Variants in GTF2IRD1 observed in about 807,000 individuals in gnomAD.
GTF2IRD1 encodes the protein general transcription factor II-I repeat domain-containing protein 1.
In GTF2IRD1, 26 loss-of-function variants were observed where a neutral mutation model predicts 113.2. The ratio of observed to expected loss-of-function variants is 0.23; its 90% confidence interval spans 0.17 to 0.32. The LOEUF (loss-of-function observed/expected upper bound fraction) is 0.32. Ranked by LOEUF, GTF2IRD1 falls within the 10% of genes least tolerant of loss-of-function variation. GTF2IRD1 has a pLI of 1.00. For synonymous variants in GTF2IRD1, 484 were observed against 529.1 expected, an observed-to-expected ratio of 0.91 and a Z score of 1.17; for missense variants, 864 against 1,280.8, an observed-to-expected ratio of 0.67 and a Z score of 4.97.
At chr7:74,533,171 A>G (rs1266437668) in intron 9 of GTF2IRD1, among the ~76,000 whole-genome samples, 2 of 128,726 alleles carry the variant, frequency 1.6e-5, no homozygotes, top group African/African-American at 6.1e-5. Context: ...GTCTCACTCT[A>G]TTGCCCAGGC....
intron 1 of GTF2IRD1, among the ~76,000 whole-genome samples, chr7:74,481,706 A>G (rs1794750265): frequency 1.3e-5 from 2 of 152,192 alleles, no homozygotes; most frequent in South Asian, 4.1e-4. Flanking sequence ...CTCCTTGTTT[A>G]TATGTGGGTG....
At chr7:74,574,351 C>T (rs1320377184) in intron 22 of GTF2IRD1, among the ~76,000 whole-genome samples, 1 of 151,650 alleles carries the variant, frequency 6.6e-6, no homozygotes, top group Non-Finnish European at 1.5e-5. Context: ...GCTTCATTGC[C>T]CAGGCTGGTC....
chr7:74,568,654 G>A (rs12540561), intron 22 of GTF2IRD1, among the ~76,000 whole-genome samples: 135,944 of 151,826 alleles, frequency 0.9, 60,997 homozygotes, highest in East Asian at 1. Flanking sequence ...TCTCAAAAAA[G>A]AAGAAGAAGA....
chr7:74,535,870 G>T (rs1562846131), intron 10 of GTF2IRD1, among the ~76,000 whole-genome samples: 1 of 152,212 alleles, frequency 6.6e-6, no homozygotes, highest in Non-Finnish European at 1.5e-5. Context: ...CCCCCATAGT[G>T]TGTTGGAGGG....
intron 22 of GTF2IRD1, among the ~76,000 whole-genome samples, chr7:74,581,812 G>T (rs1801437637): frequency 1.3e-5 from 2 of 152,188 alleles, no homozygotes; most frequent in Non-Finnish European, 2.9e-5. Flanking sequence ...TTGAAGACCA[G>T]CCTGGGCAAC....
intron 11 of GTF2IRD1, among the ~76,000 whole-genome samples, chr7:74,536,550 G>A (rs1198153558): frequency 2.6e-5 from 4 of 152,186 alleles, no homozygotes; most frequent in Non-Finnish European, 4.4e-5. Flanking sequence ...GCTCACACCT[G>A]TAATCCCAGC....
chr7:74,545,891 C>A (rs1798898480), intron 16 of GTF2IRD1, 82 bp downstream of exon 16: 3 of 996,746 alleles, frequency 3.0e-6, no homozygotes, highest in East Asian at 2.4e-5. Flanking sequence ...TTGGTCGCAT[C>A]CCCTTGCCTG....
At chr7:74,584,640 G>A (rs1204337241) in intron 22 of GTF2IRD1, among the ~76,000 whole-genome samples, 4 of 152,104 alleles carry the variant, frequency 2.6e-5, no homozygotes, top group Admixed American at 2.6e-4. Flanking sequence ...AATTTACATG[G>A]CCAGGGTGAG....
chr7:74,563,406 C>T (rs1390692505), intron 22 of GTF2IRD1, among the ~76,000 whole-genome samples: 1 of 151,688 alleles, frequency 6.6e-6, no homozygotes, highest in African/African-American at 2.4e-5. Context: ...GGTGAAACCC[C>T]GTCTCTACTA....
intron 1 of GTF2IRD1, among the ~76,000 whole-genome samples, chr7:74,498,780 G>C (rs1277791080): frequency 1.3e-5 from 2 of 148,726 alleles, no homozygotes; most frequent in African/African-American, 5.0e-5. Flanking sequence ...CCAGGCTGGA[G>C]TGCAGTGGCA....
intron 1 of GTF2IRD1, among the ~76,000 whole-genome samples, chr7:74,496,800 C>G (rs782758853): frequency 6.6e-6 from 1 of 152,018 alleles, no homozygotes; most frequent in Non-Finnish European, 1.5e-5. Context: ...GTCTTAGGAA[C>G]GACACTCGAC....
At chr7:74,481,081 A>G (rs1370527508) in intron 1 of GTF2IRD1, among the ~76,000 whole-genome samples, 1 of 152,152 alleles carries the variant, frequency 6.6e-6, no homozygotes, top group African/African-American at 2.4e-5. Context: ...CCTGGGGCCA[A>G]CTTTCCTGTC....
intron 1 of GTF2IRD1, among the ~76,000 whole-genome samples, chr7:74,472,707 G>A (rs142359458): frequency 6.6e-6 from 1 of 152,250 alleles, no homozygotes; most frequent in African/African-American, 2.4e-5. Flanking sequence ...AGCCGAGATC[G>A]CACCACTGCC....
chr7:74,505,180 C>A (rs10256685), intron 1 of GTF2IRD1, among the ~76,000 whole-genome samples: 1 of 152,072 alleles, frequency 6.6e-6, no homozygotes. Context: ...CCACCGCACC[C>A]GGCCTCTGCC....
intron 1 of GTF2IRD1, among the ~76,000 whole-genome samples, chr7:74,467,539 C>T (rs1007571547): frequency 2.0e-5 from 3 of 151,024 alleles, no homozygotes; most frequent in Non-Finnish European, 4.4e-5. Flanking sequence ...CTTGCTCTGT[C>T]GCCCAGGCTG....
chr7:74,462,807 CAT>C (rs1793463731), intron 1 of GTF2IRD1, among the ~76,000 whole-genome samples: 1 of 152,254 alleles, frequency 6.6e-6, no homozygotes, highest in South Asian at 2.1e-4. Flanking sequence ...TCTGGTGACT[CAT>C]ACTGTGAGCC....
At chr7:74,587,635 C>T (rs1177990372) in intron 22 of GTF2IRD1, among the ~76,000 whole-genome samples, 2 of 152,004 alleles carry the variant, frequency 1.3e-5, no homozygotes, top group African/African-American at 4.8e-5. Context: ...GAGGAGATTT[C>T]CTGTTGGACA....
chr7:74,544,696 C>A, intron 14 of GTF2IRD1, 59 bp from the exon 15 acceptor site: 1 of 1,539,530 alleles, frequency 6.5e-7, no homozygotes, highest in Non-Finnish European at 9.0e-7. Context: ...CTGACGTCGG[C>A]AGTGCATGGC....
At chr7:74,478,727 A>AT (rs1458101075) in intron 1 of GTF2IRD1, among the ~76,000 whole-genome samples, 2 of 150,476 alleles carry the variant, frequency 1.3e-5, no homozygotes, top group East Asian at 3.9e-4. Context: ...AAGTGCTGGG[A>AT]TTATAGGCAT....
Sources: gnomAD v4.1 joint callset for allele counts (sites outside exome capture counted in the v4.1 genomes callset) on GRCh38, gnomAD v4.1.1 for gene constraint, MANE v1.5 for transcripts, NCBI Gene and HGNC (gene_info 2026-07-23, HGNC 2026-07-21) for gene names.